ARSG: variants seen among roughly 807,000 people sequenced by gnomAD.
ARSG encodes arylsulfatase G.
Under a neutral mutation model 50.5 loss-of-function variants are expected in ARSG, and 37 were observed. That is an observed-to-expected ratio of 0.73 (90% CI 0.56 to 0.96). The LOEUF (loss-of-function observed/expected upper bound fraction) is 0.96. Among genes scored for constraint, ARSG ranks in the 50% least tolerant of loss-of-function variants. The pLI is 0.00. For synonymous variants in ARSG, 225 were observed against 254.6 expected (o/e 0.88, Z 1.11); for missense variants, 629 against 675.3 (o/e 0.93, Z 0.76).
At position 68,339,250 on chromosome 17, in the gene ARSG, A is replaced by G. The variant is rs35903412; in HGVS notation, c.219-4354A>G. ...GAGGTGGAGGTTGCAGTGAGCCGAGATCGCACCACTGCACTCCAGCCTGGG... is the reference window on the plus strand; with the variant it reads ...GAGGTGGAGGTTGCAGTGAGCCGAGGTCGCACCACTGCACTCCAGCCTGGG... On this transcript the variant is annotated intron_variant, in intron 2 of 11. Transcript: ENST00000621439. 5.2e-3 allele frequency among the ~76,000 whole-genome samples: 799 copies of G among 152,318 alleles called. 4 individuals are homozygous for G. Among genetic ancestry groups the G allele is most frequent in the Non-Finnish European group, 8.3e-3 (564 of 68,032 alleles).
At chr17:68,371,097 G>A (rs1053464792) in intron 8 of ARSG, among the ~76,000 whole-genome samples, 3 of 152,050 alleles carry the variant, frequency 2.0e-5, no homozygotes, top group African/African-American at 7.2e-5. Flanking sequence ...CAGGCCGGCG[G>A]ATCACGAGGT....
At chr17:68,291,981 C>T (rs1474410602) in intron 1 of ARSG, among the ~76,000 whole-genome samples, 3 of 152,042 alleles carry the variant, frequency 2.0e-5, no homozygotes, top group African/African-American at 7.2e-5. Flanking sequence ...GTGAGCTGCG[C>T]GCGCGGCGCC....
intron 2 of ARSG, among the ~76,000 whole-genome samples, chr17:68,319,770 C>T (rs1555769902): frequency 6.6e-6 from 1 of 152,172 alleles, no homozygotes; most frequent in African/African-American, 2.4e-5. Context: ...AGAAAACCAG[C>T]CTTTAGAATG....
At chr17:68,298,814 T>C (rs1555759731) in intron 1 of ARSG, among the ~76,000 whole-genome samples, 1 of 152,082 alleles carries the variant, frequency 6.6e-6, no homozygotes, top group Non-Finnish European at 1.5e-5. Context: ...CTGATGTTTC[T>C]TCTTGTAAAG....
intron 2 of ARSG, among the ~76,000 whole-genome samples, chr17:68,313,770 C>T (rs1277016491): frequency 6.6e-6 from 1 of 151,462 alleles, no homozygotes; most frequent in East Asian, 1.9e-4. Context: ...ACCTCCGCCT[C>T]CGGGTTCAAG....
At chr17:68,265,815 T>C (rs1481681624) in intron 1 of ARSG, among the ~76,000 whole-genome samples, 1 of 152,144 alleles carries the variant, frequency 6.6e-6, no homozygotes, top group South Asian at 2.1e-4. Context: ...GTGAAAATCT[T>C]GTGAAATTCA....
intron 10 of ARSG, among the ~76,000 whole-genome samples, chr17:68,396,470 CCCTGTGTTTT>C (rs2081255085): frequency 6.6e-6 from 1 of 152,156 alleles, no homozygotes; most frequent in African/African-American, 2.4e-5. Context: ...CTTGTCTTTT[CCCTGTGTTTT>C]CCTTTCACCA....
At chr17:68,450,940 T>C in the ARSG span, 2 of 1,578,128 alleles carry the variant, frequency 1.3e-6, no homozygotes, top group Non-Finnish European at 1.7e-6. Flanking sequence ...ATTGATCACT[T>C]CCAAGAAGGA....
the ARSG span, chr17:68,428,751 G>T: frequency 8.8e-7 from 1 of 1,137,910 alleles, no homozygotes; most frequent in Non-Finnish European, 1.3e-6. Context: ...GGGCACTGAA[G>T]CTTGTCGTTC....
intron 2 of ARSG, among the ~76,000 whole-genome samples, chr17:68,320,135 AG>A (rs554285749): frequency 1.2e-3 from 182 of 152,298 alleles, no homozygotes; most frequent in Middle Eastern, 6.8e-3. Flanking sequence ...AAAATGCAAA[AG>A]AAATTAGTCG....
At chr17:68,260,729 G>A (rs550543430) in intron 1 of ARSG, among the ~76,000 whole-genome samples, 2 of 152,188 alleles carry the variant, frequency 1.3e-5, no homozygotes, top group Non-Finnish European at 2.9e-5. Flanking sequence ...CTGAGCTCAA[G>A]CAATCTGCCT....
At chr17:68,411,286 C>T (rs2081984763) in intron 11 of ARSG, among the ~76,000 whole-genome samples, 1 of 152,212 alleles carries the variant, frequency 6.6e-6, no homozygotes, top group South Asian at 2.1e-4. Context: ...CCTCTACACA[C>T]TGCTTTGAAT....
At chr17:68,354,412 C>CA (rs1011747696) in intron 5 of ARSG, among the ~76,000 whole-genome samples, 1,703 of 95,030 alleles carry the variant, frequency 0.018, 13 homozygotes, top group Middle Eastern at 0.045. Context: ...GATCCTGTCT[C>CA]AAAAAAAAAA....
intron 2 of ARSG, among the ~76,000 whole-genome samples, chr17:68,309,686 C>G (rs1447024548): frequency 6.6e-6 from 1 of 151,952 alleles, no homozygotes; most frequent in East Asian, 2.0e-4. Context: ...TGCCGAAACC[C>G]TCTCTCTACT....
chr17:68,420,389 G>T lies in ARSG; in HGVS notation c.1504G>T (p.Asp502Tyr). The change falls in exon 12 of 12, where the codon GAT (aspartate) becomes TAT (tyrosine). Residue 502 changes from aspartate (D) to tyrosine (Y), a missense_variant. Asp to Tyr is a radical substitution (Grantham distance 160). Transcript: ENST00000621439. ...TGCCAACGACAACATCTCCAGCGCAGATTACACTCAGGACCCTTCAGTAAC... is the reference window on the plus strand; with the variant it reads ...TGCCAACGACAACATCTCCAGCGCATATTACACTCAGGACCCTTCAGTAAC... ...DIANDNISSA[D>Y]YTQDPSVTPC... The T allele has an allele frequency of 6.2e-7, 1 of 1,614,140 alleles. No homozygotes were observed. The highest frequency in any genetic ancestry group is 1.1e-5 in the South Asian group (1 of 91,076).
At chr17:68,264,807 C>T (rs1422800990) in intron 1 of ARSG, among the ~76,000 whole-genome samples, 1 of 151,884 alleles carries the variant, frequency 6.6e-6, no homozygotes, top group African/African-American at 2.4e-5. Flanking sequence ...TATACTGAAA[C>T]CTCTTGAAGT....
intron 11 of ARSG, among the ~76,000 whole-genome samples, chr17:68,413,116 C>G (rs2082111489): frequency 6.6e-6 from 1 of 152,096 alleles, no homozygotes; most frequent in African/African-American, 2.4e-5. Flanking sequence ...CTTCTTCTCT[C>G]AGCTCGTCAA....
At chr17:68,324,901 T>C (rs528507365) in intron 2 of ARSG, among the ~76,000 whole-genome samples, 1 of 152,312 alleles carries the variant, frequency 6.6e-6, no homozygotes, top group South Asian at 2.1e-4. Flanking sequence ...TATACACACT[T>C]GGTGCCCTTT....
chr17:68,358,132 G>A (rs1299174667), intron 6 of ARSG, among the ~76,000 whole-genome samples: 1 of 152,138 alleles, frequency 6.6e-6, no homozygotes, highest in Non-Finnish European at 1.5e-5. Context: ...GAGCCTGGGA[G>A]GCATAGGTTG....
Sources: allele counts gnomAD v4.1 joint callset (sites outside exome capture counted in the v4.1 genomes callset), GRCh38; gene constraint gnomAD v4.1.1; transcripts MANE v1.5; gene names NCBI Gene and HGNC (gene_info 2026-07-23, HGNC 2026-07-21).